The following APBB2 variants were observed in gnomAD, a reference collection of about 807,000 sequenced individuals.
The protein encoded by APBB2 is Fe65-like 1.
Under a neutral mutation model 82.5 loss-of-function variants are expected in APBB2, and 38 were observed. The ratio of observed to expected loss-of-function variants is 0.46; its 90% CI spans 0.36 to 0.60. The LOEUF (loss-of-function observed/expected upper bound fraction) is 0.60. APBB2 is among the 20% of genes least tolerant of loss of function. The pLI is 0.00. For synonymous variants in APBB2, 341 were observed against 368.2 expected, an observed-to-expected ratio of 0.93 and a Z score of 0.85; for missense variants, 772 against 972.3, an observed-to-expected ratio of 0.79 and a Z score of 2.74.
chr4:40,855,143 C>T (rs909035021), intron 12 of APBB2, among the ~76,000 whole-genome samples: 2 of 152,210 alleles, frequency 1.3e-5, no homozygotes, highest in Admixed American at 6.5e-5. Flanking sequence ...ACCTCCAAGG[C>T]GGCCATCAGC....
At chr4:40,995,548 A>AT (rs58607232) in intron 6 of APBB2, among the ~76,000 whole-genome samples, 4,851 of 142,536 alleles carry the variant, frequency 0.034, 145 homozygotes, top group African/African-American at 0.078. Context: ...AAAAAAAAAA[A>AT]TTTTTTTTTT....
chr4:40,912,482 CAGG>C (rs1249685639), intron 10 of APBB2, among the ~76,000 whole-genome samples: 5 of 151,590 alleles, frequency 3.3e-5, no homozygotes, highest in Non-Finnish European at 5.9e-5. Flanking sequence ...GAGGCTGCAG[CAGG>C]AGAACTGCTT....
At chr4:40,999,353 G>A (rs1804517001) in intron 6 of APBB2, among the ~76,000 whole-genome samples, 1 of 152,180 alleles carries the variant, frequency 6.6e-6, no homozygotes, top group African/African-American at 2.4e-5. Context: ...TGAAGTGGGA[G>A]GACCATTTGA....
intron 10 of APBB2, among the ~76,000 whole-genome samples, chr4:40,896,692 C>T (rs1349738033): frequency 6.6e-6 from 1 of 152,116 alleles, no homozygotes; most frequent in African/African-American, 2.4e-5. Flanking sequence ...CCAATTTTCC[C>T]CTCAATAGTT....
rs746244492 is a variant in APBB2, at chr4:40,827,213, C to T, written c.1651G>A (p.Ala551Thr). ...SLHEICSKIM[A>T]ERKNAKALAC... is the part of the protein sequence containing the mutation. ...AGCGCTTTGGCATTCTTCCGTTCAG[C>T]CATAATCTAAGGGGGAAAAAGTGCA... The change falls in exon 14 of 18, where the codon GCT becomes ACT. Residue 551 changes from alanine (A) to threonine (T), a missense_variant. By Grantham distance (58) the Ala-to-Thr change is moderately conservative (BLOSUM62 0). Coordinates refer to ENST00000508593, the MANE Select transcript of APBB2 (RefSeq NM_004307.2). 1 of 1,614,144 alleles carries T rather than the reference C, an allele frequency of 6.2e-7. No individual in the cohort carries two copies. The highest frequency in any genetic ancestry group is 8.5e-7 in the Non-Finnish European group (1 of 1,179,994).
chr4:41,145,999 G>A (rs1488917448), intron 1 of APBB2, among the ~76,000 whole-genome samples: 1 of 152,040 alleles, frequency 6.6e-6, no homozygotes, highest in East Asian at 1.9e-4. Context: ...AGACCAGCCT[G>A]GGCAACATAG....
chr4:40,928,780 C>T (rs941056779), intron 10 of APBB2, among the ~76,000 whole-genome samples: 2 of 148,918 alleles, frequency 1.3e-5, no homozygotes, highest in Non-Finnish European at 3.0e-5. Context: ...AGCTACTCGG[C>T]AGGCAGGGGC....
chr4:41,052,688 G>A (rs1726433196), intron 4 of APBB2, among the ~76,000 whole-genome samples: 1 of 152,006 alleles, frequency 6.6e-6, no homozygotes, highest in Non-Finnish European at 1.5e-5. Context: ...TGAAACAAGT[G>A]ACTTAAAAAG....
intron 15 of APBB2, among the ~76,000 whole-genome samples, chr4:40,825,490 C>A (rs555980770): frequency 3.9e-5 from 6 of 152,366 alleles, no homozygotes; most frequent in African/African-American, 1.4e-4. Flanking sequence ...CACTCCTTGA[C>A]AGCATGAAGC....
At chr4:40,984,847 A>AT (rs1799992542) in intron 6 of APBB2, among the ~76,000 whole-genome samples, 1 of 152,112 alleles carries the variant, frequency 6.6e-6, no homozygotes, top group Non-Finnish European at 1.5e-5. Context: ...GGTACTAGAT[A>AT]TTTTTTTAAA....
rs1749831406 is a variant in APBB2, at chr4:40,826,071, T to C, written c.1733-101A>G. On this transcript the variant is annotated intron_variant, in intron 14 of 17. Coordinates refer to ENST00000508593, the MANE Select transcript of APBB2 (RefSeq NM_004307.2). This position sits in a 1 kb window ranked among gnomAD's most constrained non-coding sequence, Gnocchi z 4.5. The stretch of plus-strand genomic sequence containing the variant: ...ATCTGAATGCTCAGGACACGCCCTG[T>C]GCCATAACGCCCTATGTTTCTGGAT... 1 of 842,168 alleles carries C rather than the reference T, an allele frequency of 1.2e-6. No individual in the cohort carries two copies. The highest frequency in any genetic ancestry group is 1.7e-5 in the African/African-American group (1 of 59,828). The allele number at this position is 842,168 out of a possible 1,614,324, so 52.2% of individuals were successfully genotyped here. A position where few individuals can be genotyped will look rare whatever the true frequency, so the allele number is the denominator to read the frequency against.
chr4:40,923,432 A>C (rs1467493921), intron 10 of APBB2, among the ~76,000 whole-genome samples: 1 of 152,232 alleles, frequency 6.6e-6, no homozygotes, highest in Non-Finnish European at 1.5e-5. Context: ...TGCCAGCTTC[A>C]GGACCCCCAG....
chr4:40,921,353 A>G (rs1467430371), intron 10 of APBB2, among the ~76,000 whole-genome samples: 1 of 152,202 alleles, frequency 6.6e-6, no homozygotes, highest in Non-Finnish European at 1.5e-5. Flanking sequence ...AGGTTCTCGG[A>G]ATCCCAGTTT....
At chr4:41,087,778 A>C (rs889012998) in intron 3 of APBB2, among the ~76,000 whole-genome samples, 3 of 152,178 alleles carry the variant, frequency 2.0e-5, no homozygotes, top group Non-Finnish European at 4.4e-5. Context: ...ATTCAGGCCT[A>C]CAGTGGGACA....
intron 3 of APBB2, among the ~76,000 whole-genome samples, chr4:41,077,995 T>C (rs1051924465): frequency 6.6e-6 from 1 of 152,022 alleles, no homozygotes; most frequent in African/African-American, 2.4e-5. Context: ...ATAAATAGAA[T>C]ACCAAGCAAC....
intron 1 of APBB2, among the ~76,000 whole-genome samples, chr4:41,163,919 A>G (rs1765824504): frequency 3.3e-5 from 5 of 152,364 alleles, no homozygotes; most frequent in Admixed American, 3.3e-4. Flanking sequence ...CCTACATGAA[A>G]TATAAATGTT....
chr4:40,873,641 G>A (rs1012738375), intron 12 of APBB2, among the ~76,000 whole-genome samples: 1 of 152,240 alleles, frequency 6.6e-6, no homozygotes, highest in Admixed American at 6.5e-5. Context: ...CGCTGGTGGT[G>A]GAGGAAACTG....
At chr4:41,067,940 G>A (rs573503329) in intron 3 of APBB2, among the ~76,000 whole-genome samples, 2 of 152,176 alleles carry the variant, frequency 1.3e-5, no homozygotes, top group East Asian at 1.9e-4. Flanking sequence ...CAGGGGGAGA[G>A]GCTGAAAGTC....
At chr4:40,861,473 G>T (rs990856953) in intron 12 of APBB2, among the ~76,000 whole-genome samples, 1 of 152,198 alleles carries the variant, frequency 6.6e-6, no homozygotes, top group African/African-American at 2.4e-5. Context: ...GCTGCAGAGA[G>T]CTATGATCTT....
Sources: gnomAD v4.1 joint callset for allele counts (sites outside exome capture counted in the v4.1 genomes callset) on GRCh38, gnomAD v4.1.1 for gene constraint, Gnocchi (gnomAD v3.1) non-coding constraint, MANE v1.5 for transcripts, NCBI Gene and HGNC (gene_info 2026-07-23, HGNC 2026-07-21) for gene names.